The following SCN11A variants were observed in gnomAD, a reference collection of about 807,000 sequenced individuals.
SCN11A encodes the protein sodium channel protein type 11 subunit alpha.
In SCN11A, 122 loss-of-function variants were observed where a neutral mutation model predicts 162.2. The observed-to-expected ratio is 0.75, with a 90% confidence interval of 0.65 to 0.87. The LOEUF (loss-of-function observed/expected upper bound fraction) is 0.87. SCN11A is among the 40% of genes least tolerant of loss of function. SCN11A has a pLI of 0.00. For synonymous variants in SCN11A, 758 were observed against 751.5 expected (o/e 1.01, Z -0.14); for missense variants, 2,015 against 2,181.6 (o/e 0.92, Z 1.52).
intron 1 of SCN11A, among the ~76,000 whole-genome samples, chr3:39,035,080 C>T (rs1575367891): frequency 6.6e-6 from 1 of 151,650 alleles, no homozygotes; most frequent in Admixed American, 6.6e-5. Flanking sequence ...ACATTCTTCA[C>T]AGAAATAAAA....
intron 2 of SCN11A, among the ~76,000 whole-genome samples, chr3:38,975,572 C>T (rs2066844971): frequency 6.6e-6 from 1 of 152,176 alleles, no homozygotes; most frequent in African/African-American, 2.4e-5. Context: ...ACTTGCTCAA[C>T]AAATTGTTCA....
chr3:38,910,272 AACGACTCTG>A (rs1182458612), intron 11 of SCN11A, 65 bp from the exon 12 acceptor site: 4 of 1,505,260 alleles, frequency 2.7e-6, no homozygotes, highest in Non-Finnish European at 2.7e-6. Context: ...TTTTCCTTCC[AACGACTCTG>A]GTTTTTCCAA....
intron 7 of SCN11A, among the ~76,000 whole-genome samples, chr3:38,934,481 C>A (rs28807674): frequency 0.067 from 10,162 of 152,048 alleles, 399 homozygotes; most frequent in Middle Eastern, 0.11. Context: ...AGGAAAAAAC[C>A]CATCTCATGT....
At chr3:38,904,965 T>C (rs1022070833) in intron 15 of SCN11A, among the ~76,000 whole-genome samples, 1 of 152,178 alleles carries the variant, frequency 6.6e-6, no homozygotes, top group African/African-American at 2.4e-5. Flanking sequence ...CTTCCACCTC[T>C]ACCCAGGTGC....
At chr3:39,009,995 C>T (rs1354498912) in intron 2 of SCN11A, among the ~76,000 whole-genome samples, 1 of 151,686 alleles carries the variant, frequency 6.6e-6, no homozygotes, top group East Asian at 1.9e-4. Flanking sequence ...AGGGCATGTA[C>T]ATAGCCATAT....
intron 28 of SCN11A, among the ~76,000 whole-genome samples, chr3:38,856,103 T>C (rs753456773): frequency 6.6e-5 from 10 of 152,204 alleles, no homozygotes; most frequent in Non-Finnish European, 1.2e-4. Flanking sequence ...GTGGGTAGTT[T>C]CTCACAGCAG....
intron 7 of SCN11A, among the ~76,000 whole-genome samples, chr3:38,942,296 A>C (rs1313241695): frequency 6.6e-6 from 1 of 152,166 alleles, no homozygotes; most frequent in Non-Finnish European, 1.5e-5. Flanking sequence ...ATTCATAAAA[A>C]TGCTAAGTAA....
chr3:38,963,407 TATATATATATGATGGAG>T (rs1471135104), intron 2 of SCN11A, among the ~76,000 whole-genome samples: 1,381 of 64,604 alleles, frequency 0.021, 18 homozygotes, highest in East Asian at 0.065. Flanking sequence ...TATATATATA[TATATATATATGATGGAG>T]ATATATATAT....
chr3:38,920,928 C>A, intron 10 of SCN11A, 148 bp downstream of exon 10: 3 of 718,232 alleles, frequency 4.2e-6, no homozygotes, highest in South Asian at 1.8e-5. Flanking sequence ...CTAGGAAATG[C>A]ATCTGCCCAC....
chr3:38,998,773 T>G (rs930600039), intron 2 of SCN11A, among the ~76,000 whole-genome samples: 2 of 152,076 alleles, frequency 1.3e-5, no homozygotes, highest in Non-Finnish European at 2.9e-5. Flanking sequence ...TGGATGAAGC[T>G]GGAAACCATC....
chr3:38,921,119 G>A lies in SCN11A; in HGVS notation c.849C>T (p.Cys283=). 6.2e-7 allele frequency: 1 copy of A among 1,614,082 alleles called. No individual in the cohort carries two copies. The highest frequency in any genetic ancestry group is 8.5e-7 in the Non-Finnish European group (1 of 1,179,940). ...QLFMGSLNLK[C]ISRDCKNISN... The stretch of plus-strand genomic sequence containing the variant: ...TGATATTTTTACAGTCCCTCGAGAT[G>A]CATTTCAGGTTCAGACTTCCCATGA... Residue 283 remains cysteine (C), a synonymous_variant, in exon 10 of 30, where the codon TGC becomes TGT. Coordinates refer to ENST00000302328, the MANE Select transcript of SCN11A (RefSeq NM_001349253.2).
intron 7 of SCN11A, among the ~76,000 whole-genome samples, chr3:38,939,898 C>T (rs1221319822): frequency 6.8e-6 from 1 of 147,788 alleles, no homozygotes; most frequent in Non-Finnish European, 1.5e-5. Flanking sequence ...AGTGAAACCC[C>T]ATCTCAAAAA....
intron 5 of SCN11A, among the ~76,000 whole-genome samples, chr3:38,949,538 T>C (rs1282800537): frequency 1.3e-5 from 2 of 152,228 alleles, no homozygotes; most frequent in Admixed American, 6.5e-5. Context: ...TCTCATTTAA[T>C]AGCCTAGAAA....
At chr3:38,907,350 C>CATATA (rs1559523584) in intron 14 of SCN11A, among the ~76,000 whole-genome samples, 11 of 51,476 alleles carry the variant, frequency 2.1e-4, no homozygotes, top group Admixed American at 5.1e-4. Flanking sequence ...GTGTATATAT[C>CATATA]TATATATACA....
intron 7 of SCN11A, among the ~76,000 whole-genome samples, chr3:38,940,483 C>T (rs2066424627): frequency 6.6e-6 from 1 of 152,128 alleles, no homozygotes; most frequent in Non-Finnish European, 1.5e-5. Context: ...CATATGAAAA[C>T]GCAGACCAAT....
At chr3:38,939,178 A>C (rs919301991) in intron 7 of SCN11A, among the ~76,000 whole-genome samples, 1 of 152,124 alleles carries the variant, frequency 6.6e-6, no homozygotes, top group Non-Finnish European at 1.5e-5. Context: ...GTCTCAAAAA[A>C]TACTAATAAA....
At chr3:39,024,196 T>A (rs2031529130) in intron 2 of SCN11A, among the ~76,000 whole-genome samples, 1 of 152,192 alleles carries the variant, frequency 6.6e-6, no homozygotes, top group South Asian at 2.1e-4. Flanking sequence ...GGAAAATCGT[T>A]TGTTTTTATG....
chr3:38,871,820 C>T, intron 24 of SCN11A, 112 bp from the exon 25 acceptor site: 1 of 877,106 alleles, frequency 1.1e-6, no homozygotes, highest in Admixed American at 2.5e-5. Flanking sequence ...GAGCTCTGTC[C>T]TTAATCTCCA....
chr3:38,896,760 T>G, intron 18 of SCN11A, 85 bp downstream of exon 18: 2 of 1,050,786 alleles, frequency 1.9e-6, no homozygotes, highest in South Asian at 2.3e-5. Context: ...TAATTTTTAC[T>G]AGTAAAGTTT....
Sources: gnomAD v4.1 joint callset for allele counts (sites outside exome capture counted in the v4.1 genomes callset) on GRCh38, gnomAD v4.1.1 for gene constraint, MANE v1.5 for transcripts, NCBI Gene and HGNC (gene_info 2026-07-23, HGNC 2026-07-21) for gene names.